The following LRMDA variants were observed in gnomAD, a reference collection of about 807,000 sequenced individuals.
LRMDA encodes the protein leucine-rich melanocyte differentiation-associated protein.
Under a neutral mutation model 29.8 loss-of-function variants are expected in LRMDA, and 18 were observed. That is an observed-to-expected ratio of 0.60 (90% confidence interval 0.42 to 0.90). The LOEUF (loss-of-function observed/expected upper bound fraction) is 0.90, where lower values mean the gene tolerates loss of function less well. Among genes scored for constraint, LRMDA ranks in the 40% least tolerant of loss-of-function variants. The probability of loss-of-function intolerance (pLI) is 0.00; values close to 1 mark genes in which losing one functional copy is unlikely to be tolerated. For synonymous variants in LRMDA, 125 were observed against 109.4 expected, an observed-to-expected ratio of 1.14 and a Z score of -0.89; for missense variants, 273 against 273.9, an observed-to-expected ratio of 1.00 and a Z score of 0.02.
intron 2 of LRMDA, among the ~76,000 whole-genome samples, chr10:75,856,573 GACAAAC>G (rs1212452764): frequency 6.6e-6 from 1 of 152,164 alleles, no homozygotes; most frequent in Non-Finnish European, 1.5e-5. Context: ...CAGAAGCAAT[GACAAAC>G]ACCATATGAT....
chr10:76,061,658 C>T (rs1403089830), intron 5 of LRMDA, among the ~76,000 whole-genome samples: 1 of 152,162 alleles, frequency 6.6e-6, no homozygotes, highest in East Asian at 1.9e-4. Context: ...CTAGTCTGTG[C>T]TCCCGTTTCA....
At chr10:75,735,685 G>T (rs1251392426) in intron 2 of LRMDA, among the ~76,000 whole-genome samples, 1 of 152,086 alleles carries the variant, frequency 6.6e-6, no homozygotes, top group Admixed American at 6.5e-5. Flanking sequence ...TCAGATTGTT[G>T]AAATGAGTTG....
At chr10:75,926,438 A>G (rs1377664836) in intron 2 of LRMDA, among the ~76,000 whole-genome samples, 1 of 152,242 alleles carries the variant, frequency 6.6e-6, no homozygotes, top group East Asian at 1.9e-4. Context: ...TACACTCTGC[A>G]TTCAGTTCTA....
chr10:76,477,942 A>G lies in LRMDA; in HGVS notation c.602-79267A>G, dbSNP rs1365994622. On this transcript the variant is annotated intron_variant, in intron 6 of 6. Transcript: ENST00000611255. ...AGTTAAATGTTAGACCTAAAACCAT[A>G]AAAACCCTAGAAGAAAACCTAGGCA... Among the ~76,000 whole-genome samples the G allele has an allele frequency of 2.6e-5, 4 of 152,316 alleles. No individual in the cohort carries two copies. The South Asian group carries it at 8.3e-4, about 32-fold the overall frequency.
chr10:76,162,621 C>T (rs147972621), intron 5 of LRMDA, among the ~76,000 whole-genome samples: 27 of 152,166 alleles, frequency 1.8e-4, no homozygotes, highest in African/African-American at 6.0e-4. Flanking sequence ...TTTTAAACAG[C>T]CAGATCTCAT....
intron 2 of LRMDA, among the ~76,000 whole-genome samples, chr10:75,922,324 T>C (rs1178032989): frequency 6.6e-6 from 1 of 152,226 alleles, no homozygotes; most frequent in African/African-American, 2.4e-5. Flanking sequence ...AGTTTTGGTT[T>C]GGTTTGCCTT....
intron 2 of LRMDA, among the ~76,000 whole-genome samples, chr10:75,543,806 T>C (rs1840046825): frequency 6.6e-6 from 1 of 152,188 alleles, no homozygotes; most frequent in African/African-American, 2.4e-5. Flanking sequence ...CCCTTACTCC[T>C]TTCTTCCTGG....
chr10:75,815,765 A>T (rs987505640), intron 2 of LRMDA, among the ~76,000 whole-genome samples: 3 of 152,242 alleles, frequency 2.0e-5, no homozygotes, highest in African/African-American at 7.2e-5. Context: ...ATTGCAGCCA[A>T]AATAATCTAA....
chr10:76,252,174 C>T (rs753840682), intron 5 of LRMDA, among the ~76,000 whole-genome samples: 3 of 152,130 alleles, frequency 2.0e-5, no homozygotes, highest in Admixed American at 6.5e-5. Context: ...CTTGATTTAC[C>T]ACCAGTCCGG....
At chr10:75,664,616 T>C (rs1841797765) in intron 2 of LRMDA, among the ~76,000 whole-genome samples, 1 of 152,084 alleles carries the variant, frequency 6.6e-6, no homozygotes, top group Non-Finnish European at 1.5e-5. Context: ...GAAGTCTACA[T>C]GAAAAGGTGA....
chr10:75,455,988 G>A (rs1844511101), intron 2 of LRMDA, among the ~76,000 whole-genome samples: 1 of 152,230 alleles, frequency 6.6e-6, no homozygotes, highest in South Asian at 2.1e-4. Context: ...AACAGGGTAA[G>A]TTTCTTCCCA....
At chr10:76,046,595 C>G (rs1006615298) in intron 3 of LRMDA, among the ~76,000 whole-genome samples, 3 of 152,168 alleles carry the variant, frequency 2.0e-5, no homozygotes, top group African/African-American at 7.2e-5. Flanking sequence ...AGCGATTCTC[C>G]TGCCTCAGCT....
chr10:75,849,708 G>A (rs904308357), intron 2 of LRMDA, among the ~76,000 whole-genome samples: 9 of 151,996 alleles, frequency 5.9e-5, no homozygotes, highest in South Asian at 4.1e-4. Context: ...CATGGTACAC[G>A]TTTACCTATG....
chr10:75,858,198 G>A (rs941446878), intron 2 of LRMDA, among the ~76,000 whole-genome samples: 1 of 152,160 alleles, frequency 6.6e-6, no homozygotes, highest in South Asian at 2.1e-4. Context: ...CTACTCAGTA[G>A]AAGCAGGTAC....
intron 6 of LRMDA, among the ~76,000 whole-genome samples, 190 bp from the exon 7 acceptor site, chr10:76,557,019 C>A (rs1843566420): frequency 6.6e-6 from 1 of 152,142 alleles, no homozygotes; most frequent in Non-Finnish European, 1.5e-5. Flanking sequence ...ATTTCAATGT[C>A]AACTCTGAGG....
At chr10:76,270,958 T>C (rs933411728) in intron 5 of LRMDA, among the ~76,000 whole-genome samples, 1 of 152,212 alleles carries the variant, frequency 6.6e-6, no homozygotes, top group African/African-American at 2.4e-5. Context: ...CAATAACAAT[T>C]ATTATTTTTA....
intron 2 of LRMDA, among the ~76,000 whole-genome samples, chr10:76,032,614 C>T (rs886569413): frequency 1.3e-5 from 2 of 152,058 alleles, no homozygotes; most frequent in Admixed American, 6.5e-5. Context: ...GCCCTGGGAA[C>T]GAGGGAAGGA....
intron 2 of LRMDA, among the ~76,000 whole-genome samples, chr10:75,545,589 C>T (rs952461928): frequency 1.1e-4 from 17 of 152,178 alleles, no homozygotes; most frequent in African/African-American, 3.1e-4. Flanking sequence ...AATTGGTTGC[C>T]GTCCTAAAGG....
chr10:76,490,591 A>T (rs1301272755), intron 6 of LRMDA, among the ~76,000 whole-genome samples: 1 of 152,028 alleles, frequency 6.6e-6, no homozygotes, highest in Non-Finnish European at 1.5e-5. Context: ...TAATATAAGC[A>T]TAGCTACTCC....
Sources: allele counts gnomAD v4.1 joint callset (sites outside exome capture counted in the v4.1 genomes callset), GRCh38; gene constraint gnomAD v4.1.1; transcripts MANE v1.5; gene names NCBI Gene and HGNC (gene_info 2026-07-23, HGNC 2026-07-21).